The following LYST variants were observed in gnomAD, a reference collection of about 807,000 sequenced individuals.
LYST encodes the protein lysosomal-trafficking regulator.
A neutral mutation model predicts 413.6 loss-of-function variants in LYST; 192 were observed. That is an observed-to-expected ratio of 0.46 (90% confidence interval 0.41 to 0.52). The LOEUF (loss-of-function observed/expected upper bound fraction) is 0.52. Ranked by LOEUF, LYST falls within the 20% of genes least tolerant of loss-of-function variation. The probability of loss-of-function intolerance (pLI) is 0.00; values close to 1 mark genes in which losing one functional copy is unlikely to be tolerated. For missense variants in LYST, 3,815 were observed against 4,499.9 expected (o/e 0.85, Z 4.35); for synonymous variants, 1,525 against 1,567.3 (o/e 0.97, Z 0.64).
chr1:235,810,521 C>A lies in LYST; in HGVS notation c.297G>T (p.Pro99=). 1 of 1,611,232 alleles carries A rather than the reference C, an allele frequency of 6.2e-7. No individual in the cohort carries two copies. The highest frequency in any genetic ancestry group is 8.5e-7 in the Non-Finnish European group (1 of 1,179,718). ...QEEKATDFNL[P]LSADIILTKE... is the part of the protein sequence containing the mutation. ...TGGTCAGGATTATATCTGCTGAGAG[C>A]GGTAGGTTAAAATCTAATGGAATGA... The change falls in exon 5 of 53, where the codon CCG becomes CCT. Residue 99 remains proline (P), a synonymous_variant. Coordinates refer to ENST00000389793, the MANE Select transcript of LYST (RefSeq NM_000081.4).
Position 235,734,838 on chromosome 1 carries a change from T to C in LYST, c.8359-179A>G, listed in dbSNP as rs565109560. On this transcript the variant is annotated intron_variant, in intron 31 of 52. Coordinates refer to ENST00000389793, the MANE Select transcript of LYST (RefSeq NM_000081.4). ...ATCTGATTATGCACTGAGTATTTGATGACAGAGGATTAATGCTAATTTTGT... is the reference window on the plus strand; with the variant it reads ...ATCTGATTATGCACTGAGTATTTGACGACAGAGGATTAATGCTAATTTTGT... 1.8e-5 allele frequency: 9 copies of C among 503,252 alleles called. No homozygotes were observed. In the East Asian group the frequency reaches 2.8e-4, roughly 16 times the overall value. 31.2% of individuals were successfully genotyped at this position (503,252 alleles called of 1,614,324 possible).
chr1:235,870,778 A>G (rs116269005), upstream of LYST, among the ~76,000 whole-genome samples: 3,223 of 152,306 alleles, frequency 0.021, 109 homozygotes, highest in African/African-American at 0.073. Context: ...AGTGCCTGGC[A>G]CTTAGTAGGC....
At chr1:235,673,540 C>T (rs1659134404) in intron 50 of LYST, among the ~76,000 whole-genome samples, 1 of 152,100 alleles carries the variant, frequency 6.6e-6, no homozygotes, top group Non-Finnish European at 1.5e-5. Context: ...GCCTTACCTC[C>T]ATTTCACCGA....
intron 48 of LYST, among the ~76,000 whole-genome samples, chr1:235,680,781 T>C (rs975836769): frequency 2.0e-5 from 3 of 151,962 alleles, no homozygotes; most frequent in African/African-American, 7.3e-5. Flanking sequence ...GTATTTTTAG[T>C]AGAGAAGAGG....
At position 235,725,334 on chromosome 1, in the gene LYST, T is replaced by C. The variant is rs183151142; in HGVS notation, c.9163-1154A>G. ...CTGTAGTTCCAGCTACTCGGGAGGC[T>C]GAGGCAGGAGAATCACCTGAACCCA... On this transcript the variant is annotated intron_variant, in intron 38 of 52. Transcript: ENST00000389793. Among the ~76,000 whole-genome samples the C allele has an allele frequency of 8.0e-3, 1,219 of 152,068 alleles. 19 individuals carry two copies. Among genetic ancestry groups the C allele is most frequent in the African/African-American group, 0.028 (1,142 of 41,464 alleles).
intron 44 of LYST, among the ~76,000 whole-genome samples, chr1:235,706,516 G>A (rs879359676): frequency 2.0e-5 from 3 of 152,066 alleles, no homozygotes; most frequent in Admixed American, 6.6e-5. Flanking sequence ...TTATTTCCAC[G>A]TGAAGCCTCC....
chr1:235,806,899 T>A (rs904570858), intron 5 of LYST, 127 bp from the exon 6 acceptor site: 1 of 688,790 alleles, frequency 1.5e-6, no homozygotes, highest in Non-Finnish European at 2.5e-6. Context: ...ATTTTATTCA[T>A]CAATTATCAG....
At chr1:235,695,372 G>C (rs575075394) in intron 46 of LYST, among the ~76,000 whole-genome samples, 2 of 152,324 alleles carry the variant, frequency 1.3e-5, no homozygotes, top group East Asian at 3.9e-4. Flanking sequence ...GCCTGTGGAG[G>C]CCATGGAGGA....
chr1:235,790,437 C>A (rs1670864062), intron 12 of LYST, among the ~76,000 whole-genome samples: 2 of 152,160 alleles, frequency 1.3e-5, no homozygotes, highest in African/African-American at 4.8e-5. Context: ...GTGACACATA[C>A]ACAGAAAGCA....
intron 14 of LYST, among the ~76,000 whole-genome samples, chr1:235,784,221 A>G (rs1670178644): frequency 6.6e-6 from 1 of 152,198 alleles, no homozygotes; most frequent in Admixed American, 6.5e-5. Context: ...AAGATACTAG[A>G]GAACCAAGTT....
intron 34 of LYST, among the ~76,000 whole-genome samples, chr1:235,732,597 TA>T (rs1449960159): frequency 6.6e-6 from 1 of 152,216 alleles, no homozygotes; most frequent in African/African-American, 2.4e-5. Context: ...AAGTTCTGAG[TA>T]AGGACAGCTA....
At position 235,804,560 on chromosome 1, in the gene LYST, C is replaced by T. The variant is rs1672606419; in HGVS notation, c.3499G>A (p.Val1167Ile). 31 of 1,613,398 alleles carry T rather than the reference C, an allele frequency of 1.9e-5. No individual in the cohort carries two copies. The highest frequency in any genetic ancestry group is 2.5e-5 in the Non-Finnish European group (29 of 1,179,470). The part of the protein sequence containing the change: ...AKPLFDALLR[V>I]ALGNYSADFE... Reference sequence around the variant, plus strand: ...TCTGCTGAATAATTCCCGAGGGCAACTCGAAGCAGGGCATCAAATAAAGGC... The same window carrying T: ...TCTGCTGAATAATTCCCGAGGGCAATTCGAAGCAGGGCATCAAATAAAGGC... Residue 1167 changes from valine to isoleucine, a missense_variant, in exon 7 of 53, where the codon GTT becomes ATT. By Grantham distance (29) the Val-to-Ile change is conservative. This residue lies in a region of LYST where 1,648 missense variants were observed against 1,810.3 expected (regional missense o/e 0.91). Transcript: ENST00000389793.
chr1:235,812,505 TAAA>T (rs374830793), intron 4 of LYST, among the ~76,000 whole-genome samples: 1 of 102,750 alleles, frequency 9.7e-6, no homozygotes, highest in Non-Finnish European at 2.0e-5. Flanking sequence ...AGACTCTGCC[TAAA>T]AAAAAAAAAA....
chr1:235,716,922 C>CT (rs1259813234), intron 40 of LYST, 144 bp from the exon 41 acceptor site: 2 of 567,646 alleles, frequency 3.5e-6, no homozygotes, highest in Non-Finnish European at 6.3e-6. Flanking sequence ...TGTTTTGTAA[C>CT]TAACAGTCAC....
chr1:235,680,268 T>C (rs12144918), intron 48 of LYST, among the ~76,000 whole-genome samples: 47,545 of 152,070 alleles, frequency 0.31, 8,498 homozygotes, highest in Non-Finnish European at 0.41. Flanking sequence ...TTTGTTTTTG[T>C]TTTTTGAGAC....
At chr1:235,812,720 A>G (rs1331461592) in intron 4 of LYST, among the ~76,000 whole-genome samples, 2 of 152,098 alleles carry the variant, frequency 1.3e-5, no homozygotes, top group Admixed American at 1.3e-4. Context: ...ACTCCTTCTG[A>G]TAAGTGTTTC....
intron 20 of LYST, among the ~76,000 whole-genome samples, chr1:235,768,850 G>A (rs1668386239): frequency 6.6e-6 from 1 of 151,982 alleles, no homozygotes; most frequent in Admixed American, 6.6e-5. Flanking sequence ...AGTAAGCAAG[G>A]GGCCTGAAGG....
At chr1:235,849,076 A>G (rs1157649214) in intron 1 of LYST, among the ~76,000 whole-genome samples, 3 of 152,168 alleles carry the variant, frequency 2.0e-5, no homozygotes, top group Non-Finnish European at 4.4e-5. Context: ...AGAGAAAACT[A>G]CAGAACGATA....
intron 45 of LYST, among the ~76,000 whole-genome samples, chr1:235,698,852 A>G (rs1661320345): frequency 6.6e-6 from 1 of 152,164 alleles, no homozygotes; most frequent in Non-Finnish European, 1.5e-5. Context: ...CAGTCTGGGC[A>G]ACAAAGCAAG....
Sources: gnomAD v4.1 joint callset for allele counts (sites outside exome capture counted in the v4.1 genomes callset) on GRCh38, gnomAD v4.1.1 for gene constraint, gnomAD v4.1.1 regional missense constraint, MANE v1.5 for transcripts, NCBI Gene and HGNC (gene_info 2026-07-23, HGNC 2026-07-21) for gene names.